Variants in SIPA1L2 observed in about 807,000 individuals in gnomAD.
The protein encoded by SIPA1L2 is signal induced proliferation associated 1 like 2.
In SIPA1L2, 56 loss-of-function variants were observed where a neutral mutation model predicts 163.9. That is an observed-to-expected ratio of 0.34 (90% CI 0.28 to 0.43). SIPA1L2 has a LOEUF of 0.43. Ranked by LOEUF, SIPA1L2 falls within the 20% of genes least tolerant of loss-of-function variation. The pLI, the probability that SIPA1L2 is intolerant of heterozygous loss-of-function variation, is 1.00. For synonymous variants in SIPA1L2, 877 were observed against 865.7 expected (o/e 1.01, Z -0.23); for missense variants, 1,974 against 2,193.5 (o/e 0.90, Z 2.00).
intron 21 of SIPA1L2, 145 bp from the exon 22 acceptor site, chr1:232,402,618 C>A: frequency 1.6e-6 from 1 of 609,398 alleles, no homozygotes; most frequent in Non-Finnish European, 2.7e-6. Flanking sequence ...GGAAAGTGTC[C>A]ATATTGCTGA....
At chr1:232,512,844 C>T (rs1182235927) in intron 3 of SIPA1L2, among the ~76,000 whole-genome samples, 1 of 152,172 alleles carries the variant, frequency 6.6e-6, no homozygotes, top group Non-Finnish European at 1.5e-5. Context: ...GAGCTCCCAG[C>T]TATCTGTGCT....
chr1:232,586,413 C>T (rs756380569), intron 1 of SIPA1L2, among the ~76,000 whole-genome samples: 9 of 152,306 alleles, frequency 5.9e-5, no homozygotes, highest in Non-Finnish European at 1.2e-4. Flanking sequence ...GGGAGTCCTA[C>T]TGCAAAGGGC....
chr1:232,588,134 G>C (rs1398524688), intron 1 of SIPA1L2, among the ~76,000 whole-genome samples: 1 of 152,196 alleles, frequency 6.6e-6, no homozygotes, highest in Non-Finnish European at 1.5e-5. Context: ...TGTGAAGGAA[G>C]GGAAAGCCCT....
chr1:232,595,502 C>T lies in SIPA1L2; in HGVS notation c.-318-21280G>A, dbSNP rs1661212232. On this transcript the variant is annotated intron_variant, in intron 1 of 22. Coordinates refer to ENST00000674635, the MANE Select transcript of SIPA1L2 (RefSeq NM_020808.5). ...GCACCGGGCGGCTTCTGACTCCTTT[C>T]AGCTGTCACATTCCTCACAAAGGAG... Among the ~76,000 whole-genome samples the T allele has an allele frequency of 2.0e-5, 3 of 152,338 alleles. No homozygotes were observed. In the South Asian group the frequency reaches 6.2e-4, roughly 32 times the overall value.
At chr1:232,573,123 C>A (rs2102782914) in intron 2 of SIPA1L2, among the ~76,000 whole-genome samples, 1 of 152,084 alleles carries the variant, frequency 6.6e-6, no homozygotes, top group East Asian at 1.9e-4. Context: ...CCACAGACCT[C>A]AAAATGCACC....
chr1:232,527,907 T>C (rs991098170), intron 2 of SIPA1L2, among the ~76,000 whole-genome samples: 1 of 150,640 alleles, frequency 6.6e-6, no homozygotes, highest in African/African-American at 2.4e-5. Flanking sequence ...AATTTTTTAA[T>C]TAAAAATCCC....
intron 2 of SIPA1L2, among the ~76,000 whole-genome samples, chr1:232,563,119 G>A (rs1342975064): frequency 6.6e-6 from 1 of 152,130 alleles, no homozygotes; most frequent in Non-Finnish European, 1.5e-5. Context: ...AGCCTCAGAA[G>A]GTTCAATAGC....
intron 12 of SIPA1L2, 48 bp downstream of exon 12, chr1:232,443,554 G>T: frequency 1.4e-6 from 2 of 1,459,508 alleles, no homozygotes; most frequent in South Asian, 1.4e-5. Context: ...ATGAGTCACA[G>T]AAAACAGGTT....
chr1:232,591,678 A>ATGT (rs1371897067), intron 1 of SIPA1L2, among the ~76,000 whole-genome samples: 2 of 152,198 alleles, frequency 1.3e-5, no homozygotes, highest in Non-Finnish European at 2.9e-5. Context: ...TAGTGAGGCC[A>ATGT]TGTTAGGGCA....
At chr1:232,459,017 A>G (rs1664082182) in intron 10 of SIPA1L2, among the ~76,000 whole-genome samples, 1 of 152,204 alleles carries the variant, frequency 6.6e-6, no homozygotes, top group East Asian at 1.9e-4. Flanking sequence ...TTATTTTATA[A>G]ACACACTGGG....
intron 18 of SIPA1L2, among the ~76,000 whole-genome samples, chr1:232,419,315 T>G (rs1389220884): frequency 2.6e-5 from 4 of 152,194 alleles, no homozygotes; most frequent in African/African-American, 9.7e-5. Context: ...GAAAAACACA[T>G]ACATTTTCTT....
chr1:232,461,957 C>T (rs968954018), intron 9 of SIPA1L2, among the ~76,000 whole-genome samples: 3 of 152,186 alleles, frequency 2.0e-5, no homozygotes, highest in Non-Finnish European at 2.9e-5. Flanking sequence ...TAGGATGGTG[C>T]TCTGGCAGGC....
intron 3 of SIPA1L2, among the ~76,000 whole-genome samples, chr1:232,503,738 T>C (rs1225268579): frequency 1.3e-5 from 2 of 152,284 alleles, no homozygotes; most frequent in East Asian, 3.8e-4. Context: ...TACTCTCTGC[T>C]GATCTGGGTT....
At position 232,490,870 on chromosome 1, in the gene SIPA1L2, A is replaced by G; in HGVS notation, c.1806+4T>C. On this transcript the variant is annotated splice_donor_region_variant and intron_variant, in intron 5 of 22. Transcript: ENST00000674635. ...ACAAACATACAATCTCACATTATAC[A>G]CACCCCTTGTTCATCAAGCTTGAGC... The G allele has an allele frequency of 6.2e-7, 1 of 1,611,952 alleles. No individual in the cohort carries two copies.
chr1:232,601,703 C>G (rs1023888491), intron 1 of SIPA1L2, among the ~76,000 whole-genome samples: 1 of 152,136 alleles, frequency 6.6e-6, no homozygotes, highest in Non-Finnish European at 1.5e-5. Context: ...CCCAACACAC[C>G]AAACGCCAAA....
chr1:232,549,539 A>T (rs994940590), intron 2 of SIPA1L2, among the ~76,000 whole-genome samples: 2 of 152,218 alleles, frequency 1.3e-5, no homozygotes, highest in Admixed American at 6.5e-5. Flanking sequence ...AAAATGACTG[A>T]AATCAGCATG....
intron 9 of SIPA1L2, chr1:232,462,252 C>T: frequency 6.4e-7 from 1 of 1,550,884 alleles, no homozygotes. Context: ...CACCCGATGA[C>T]TATGACCTCA....
upstream of SIPA1L2, among the ~76,000 whole-genome samples, chr1:232,630,293 A>T (rs1208364383): frequency 6.6e-6 from 1 of 151,654 alleles, no homozygotes; most frequent in Non-Finnish European, 1.5e-5. Flanking sequence ...CTCCGGGCGC[A>T]GCCGGTGCGC....
At chr1:232,484,589 T>C (rs968201428) in intron 5 of SIPA1L2, among the ~76,000 whole-genome samples, 3 of 152,224 alleles carry the variant, frequency 2.0e-5, no homozygotes, top group African/African-American at 4.8e-5. Context: ...TTTTACTATC[T>C]TGAAAACATC....
Sources: allele counts gnomAD v4.1 joint callset (sites outside exome capture counted in the v4.1 genomes callset), GRCh38; gene constraint gnomAD v4.1.1; transcripts MANE v1.5; gene names NCBI Gene and HGNC (gene_info 2026-07-23, HGNC 2026-07-21).